The following TENM4 variants were observed in gnomAD, a reference collection of about 807,000 sequenced individuals.
TENM4 encodes the protein teneurin-4.
TENM4 carries 82 observed loss-of-function variants against 243.3 expected under a neutral mutation model. That is an observed-to-expected ratio of 0.34 (90% CI 0.28 to 0.40). TENM4 has a LOEUF of 0.40. TENM4 is among the 10% of genes least tolerant of loss of function. The pLI is 1.00. For synonymous variants in TENM4, 1,412 were observed against 1,456.3 expected, an observed-to-expected ratio of 0.97 and a Z score of 0.69; for missense variants, 3,138 against 3,673.3, an observed-to-expected ratio of 0.85 and a Z score of 3.77.
At chr11:78,727,887 C>A (rs376310782) in intron 22 of TENM4, among the ~76,000 whole-genome samples, 41 of 152,216 alleles carry the variant, frequency 2.7e-4, no homozygotes, top group African/African-American at 9.9e-4. Context: ...AACTGAGCAG[C>A]TCCTTAAAGT....
intron 6 of TENM4, among the ~76,000 whole-genome samples, chr11:78,944,694 C>T (rs763620569): frequency 3.3e-5 from 5 of 152,314 alleles, no homozygotes; most frequent in South Asian, 4.1e-4. Flanking sequence ...TTCTCAGATT[C>T]GGTACTAATT....
intron 3 of TENM4, among the ~76,000 whole-genome samples, chr11:79,215,572 A>T (rs981314873): frequency 6.6e-6 from 1 of 152,030 alleles, no homozygotes; most frequent in East Asian, 1.9e-4. Flanking sequence ...CCCTCCCACC[A>T]TGCTGGCTGC....
chr11:78,952,739 T>G (rs1385412475), intron 6 of TENM4, among the ~76,000 whole-genome samples: 2 of 152,210 alleles, frequency 1.3e-5, no homozygotes, highest in Non-Finnish European at 2.9e-5. Flanking sequence ...ACTAAACACC[T>G]GCCTTGATCT....
chr11:78,906,640 T>C (rs567297972), intron 6 of TENM4, among the ~76,000 whole-genome samples: 1 of 152,310 alleles, frequency 6.6e-6, no homozygotes, highest in South Asian at 2.1e-4. Context: ...CCAAATCCTT[T>C]CTATCTTTTG....
intron 3 of TENM4, among the ~76,000 whole-genome samples, chr11:79,197,877 A>C (rs2135182828): frequency 6.6e-6 from 1 of 151,872 alleles, no homozygotes; most frequent in South Asian, 2.1e-4. Flanking sequence ...TTCTGCACAC[A>C]CTGTGCTCCC....
chr11:79,194,971 T>C (rs546842445), intron 3 of TENM4, among the ~76,000 whole-genome samples: 2 of 152,304 alleles, frequency 1.3e-5, no homozygotes, highest in South Asian at 4.1e-4. Context: ...AAGGTCCCTG[T>C]GCTGTGTGCA....
chr11:79,090,701 G>C (rs1054564821), intron 4 of TENM4, among the ~76,000 whole-genome samples: 6 of 152,206 alleles, frequency 3.9e-5, no homozygotes, highest in African/African-American at 1.4e-4. Context: ...TAAGAGGTAA[G>C]AGGTAACATG....
chr11:78,750,546 C>T (rs1191403490), intron 19 of TENM4, among the ~76,000 whole-genome samples: 2 of 152,220 alleles, frequency 1.3e-5, no homozygotes, highest in East Asian at 3.9e-4. Context: ...AGAAGCAAAG[C>T]TGTAGGAGAG....
intron 1 of TENM4, among the ~76,000 whole-genome samples, chr11:79,371,343 G>A (rs929041900): frequency 2.4e-4 from 36 of 152,186 alleles, no homozygotes; most frequent in Non-Finnish European, 1.3e-4. Flanking sequence ...GATGCCTACT[G>A]CAGCTGGAGA....
At position 79,417,065 on chromosome 11, in the gene TENM4, T is replaced by C. The variant is rs537288442; in HGVS notation, c.-321+23444A>G. ...AAGGGCAAAACAGATATCTGGAAAG[T>C]AGTTAACTGAGAGTCTCAAATCTAA... is the stretch of plus-strand genomic sequence containing the variant. On this transcript the variant is annotated intron_variant, in intron 1 of 33. Coordinates refer to ENST00000278550, the MANE Select transcript of TENM4 (RefSeq NM_001098816.3). 2.6e-5 allele frequency among the ~76,000 whole-genome samples: 4 copies of C among 152,298 alleles called. No homozygotes were observed. The South Asian group carries it at 8.3e-4, about 32-fold the overall frequency.
chr11:79,277,432 T>G (rs1195867628), intron 2 of TENM4, among the ~76,000 whole-genome samples: 3 of 152,172 alleles, frequency 2.0e-5, no homozygotes, highest in Non-Finnish European at 1.5e-5. Context: ...GATGAGGCAT[T>G]GAGGCTCAAA....
chr11:78,970,686 G>C (rs1442130005), intron 6 of TENM4, among the ~76,000 whole-genome samples: 1 of 152,114 alleles, frequency 6.6e-6, no homozygotes, highest in Admixed American at 6.6e-5. Context: ...GTTCCTTTAT[G>C]GTCCAACAAA....
chr11:78,733,963 C>T (rs897133813), intron 20 of TENM4, among the ~76,000 whole-genome samples: 6 of 152,174 alleles, frequency 3.9e-5, no homozygotes, highest in East Asian at 1.9e-4. Context: ...CCGAGGAGGG[C>T]GGATCACCTG....
At chr11:78,904,557 C>T (rs1856021665) in intron 6 of TENM4, among the ~76,000 whole-genome samples, 1 of 152,018 alleles carries the variant, frequency 6.6e-6, no homozygotes, top group Non-Finnish European at 1.5e-5. Context: ...AACCACTCAA[C>T]ATTTACTGAG....
At chr11:79,115,124 G>A (rs984228029) in intron 4 of TENM4, among the ~76,000 whole-genome samples, 4 of 152,146 alleles carry the variant, frequency 2.6e-5, no homozygotes, top group African/African-American at 7.2e-5. Context: ...GGGCTGGTAT[G>A]GGAGGCAAAC....
chr11:79,132,705 T>C (rs914079035), intron 4 of TENM4, among the ~76,000 whole-genome samples: 3 of 151,978 alleles, frequency 2.0e-5, no homozygotes, highest in Admixed American at 1.3e-4. Context: ...TTTAAAACCA[T>C]GAAAAAAACA....
chr11:78,667,413 T>A (rs1370247459), intron 32 of TENM4, among the ~76,000 whole-genome samples: 1 of 152,184 alleles, frequency 6.6e-6, no homozygotes, highest in African/African-American at 2.4e-5. Context: ...GGGGCATTCA[T>A]GTGAGCTGTC....
intron 4 of TENM4, chr11:79,096,921 C>CGCGCGT (rs1555007821): frequency 1.7e-4 from 21 of 120,414 alleles, no homozygotes; most frequent in African/African-American, 7.1e-4. Context: ...CACATGCGCG[C>CGCGCGT]GCGCGCGCAC....
intron 16 of TENM4, among the ~76,000 whole-genome samples, chr11:78,782,494 G>A (rs1353352484): frequency 6.6e-6 from 1 of 152,222 alleles, no homozygotes; most frequent in Non-Finnish European, 1.5e-5. Context: ...CTACTTGGGA[G>A]GCTGAGGCAG....
Sources: allele counts gnomAD v4.1 joint callset (sites outside exome capture counted in the v4.1 genomes callset), GRCh38; gene constraint gnomAD v4.1.1; transcripts MANE v1.5; gene names NCBI Gene and HGNC (gene_info 2026-07-23, HGNC 2026-07-21).